Variants in ESCO1 observed in about 807,000 individuals in gnomAD.
ESCO1 encodes establishment of sister chromatid cohesion N-acetyltransferase 1.
In ESCO1, 33 loss-of-function variants were observed where a neutral mutation model predicts 83.5. That is an observed-to-expected ratio of 0.40 (90% CI 0.30 to 0.53). ESCO1 has a LOEUF of 0.53. ESCO1 is among the 20% of genes least tolerant of loss of function. ESCO1 has a pLI of 0.63. For synonymous variants in ESCO1, 332 were observed against 324.3 expected (o/e 1.02, Z -0.25); for missense variants, 855 against 968.0 (o/e 0.88, Z 1.55).
At chr18:21,577,487 C>T (rs1216245682) in intron 2 of ESCO1, among the ~76,000 whole-genome samples, 7 of 150,792 alleles carry the variant, frequency 4.6e-5, no homozygotes, top group African/African-American at 1.2e-4. Flanking sequence ...GGTGAAACCC[C>T]GTCTCTACTA....
At chr18:21,588,281 T>C (rs1374464174) in intron 1 of ESCO1, among the ~76,000 whole-genome samples, 2 of 152,042 alleles carry the variant, frequency 1.3e-5, no homozygotes, top group East Asian at 3.9e-4. Flanking sequence ...TATATGATCA[T>C]TTGGTTTTTA....
Position 21,574,581 on chromosome 18 carries a change from A to G in ESCO1, c.263T>C (p.Val88Ala). Reference sequence around the variant, plus strand: ...TTCTTGTGAATATCCCCTCACAGTCACCGTATTTTTATTAATGGATTTAGT... The same window carrying G: ...TTCTTGTGAATATCCCCTCACAGTCGCCGTATTTTTATTAATGGATTTAGT... ...KATKSINKNT[V>A]TVRGYSQEST... The change falls in exon 4 of 12, where the codon GTG (valine) becomes GCG (alanine). Residue 88 changes from valine to alanine, a missense_variant. Val to Ala is a moderately conservative substitution (Grantham distance 64). Transcript: ENST00000269214. 1 of 1,613,822 alleles carries G rather than the reference A, an allele frequency of 6.2e-7. No individual in the cohort carries two copies. Among genetic ancestry groups the G allele is most frequent in the East Asian group, 2.2e-5 (1 of 44,870 alleles).
At chr18:21,578,946 C>T (rs780348949) in intron 2 of ESCO1, among the ~76,000 whole-genome samples, 3 of 152,108 alleles carry the variant, frequency 2.0e-5, no homozygotes, top group Non-Finnish European at 4.4e-5. Context: ...CTGCAACCTC[C>T]ACCTCCTGGG....
At position 21,532,605 on chromosome 18, in the gene ESCO1, A is replaced by T. The variant is rs1451691878; in HGVS notation, c.2243T>A (p.Val748Asp). The T allele has an allele frequency of 6.2e-7, 1 of 1,614,118 alleles. No individual in the cohort carries two copies. Residue 748 changes from valine to aspartate, a missense_variant, in exon 11 of 12, where the codon GTC becomes GAC. Val to Asp is a radical substitution (Grantham distance 152, BLOSUM62 -3). This residue lies in a region of ESCO1 where 129 missense variants were observed against 268.5 expected (regional missense o/e 0.48). Coordinates refer to ENST00000269214, the MANE Select transcript of ESCO1 (RefSeq NM_052911.3). Reference protein sequence around the residue: ...LPVIRSEEEKVRFERQKAWCC... With the variant: ...LPVIRSEEEKDRFERQKAWCC... Reference sequence around the variant, plus strand: ...CCAGGCTTTTTGCCTTTCAAATCTGACTTTTTCTTCTTCTGACCTGATAAC... The same window carrying T: ...CCAGGCTTTTTGCCTTTCAAATCTGTCTTTTTCTTCTTCTGACCTGATAAC...
intron 8 of ESCO1, among the ~76,000 whole-genome samples, chr18:21,541,860 A>G (rs2037912552): frequency 6.6e-6 from 1 of 152,176 alleles, no homozygotes; most frequent in Non-Finnish European, 1.5e-5. Flanking sequence ...TGAATCATCT[A>G]AAGACAGTTC....
intron 1 of ESCO1, among the ~76,000 whole-genome samples, chr18:21,599,724 C>T (rs2038814497): frequency 6.6e-6 from 1 of 152,172 alleles, no homozygotes; most frequent in South Asian, 2.1e-4. Context: ...TCCTCCCTCC[C>T]CTGGTCCCCG....
intron 2 of ESCO1, among the ~76,000 whole-genome samples, chr18:21,583,136 C>T (rs977658405): frequency 2.6e-5 from 4 of 151,962 alleles, no homozygotes; most frequent in African/African-American, 9.7e-5. Flanking sequence ...GAGCCGAAAT[C>T]GTGCCACTGT....
At chr18:21,535,145 G>C (rs2037818091) in intron 10 of ESCO1, among the ~76,000 whole-genome samples, 1 of 152,008 alleles carries the variant, frequency 6.6e-6, no homozygotes, top group East Asian at 1.9e-4. Flanking sequence ...AGTGCTAGAG[G>C]GACTAATTGA....
intron 8 of ESCO1, among the ~76,000 whole-genome samples, chr18:21,543,411 G>T (rs2037932068): frequency 6.6e-6 from 1 of 152,146 alleles, no homozygotes; most frequent in South Asian, 2.1e-4. Flanking sequence ...GCCAGCCTTG[G>T]CCTTCCAAAG....
intron 8 of ESCO1, chr18:21,540,707 A>T (rs781516677): frequency 1.6e-6 from 2 of 1,271,788 alleles, no homozygotes; most frequent in African/African-American, 3.2e-5. Context: ...GAACCTGCAT[A>T]AAAAAACAAA....
intron 8 of ESCO1, among the ~76,000 whole-genome samples, chr18:21,549,715 T>A (rs2038020887): frequency 6.6e-6 from 1 of 152,120 alleles, no homozygotes; most frequent in Non-Finnish European, 1.5e-5. Flanking sequence ...ACCTGTGATC[T>A]CAGCACTTTG....
At chr18:21,572,877 T>C (rs2038359053) in intron 4 of ESCO1, among the ~76,000 whole-genome samples, 4 of 151,364 alleles carry the variant, frequency 2.6e-5, no homozygotes, top group Admixed American at 2.0e-4. Flanking sequence ...GGCTAGAGAA[T>C]GGCTTGAACC....
At chr18:21,586,486 G>A (rs1468238691) in intron 1 of ESCO1, among the ~76,000 whole-genome samples, 3 of 152,210 alleles carry the variant, frequency 2.0e-5, no homozygotes, top group Non-Finnish European at 2.9e-5. Context: ...ACATGGGAAT[G>A]CAGGTATCTC....
At chr18:21,591,563 T>C (rs1360550253) in intron 1 of ESCO1, among the ~76,000 whole-genome samples, 2 of 152,230 alleles carry the variant, frequency 1.3e-5, no homozygotes, top group Admixed American at 1.3e-4. Flanking sequence ...TTCATTGTTG[T>C]ATTCCTACTG....
At chr18:21,592,810 C>A (rs1047469455) in intron 1 of ESCO1, among the ~76,000 whole-genome samples, 2 of 147,284 alleles carry the variant, frequency 1.4e-5, no homozygotes, top group South Asian at 2.2e-4. Flanking sequence ...GGCTGCCGGG[C>A]GGAGGGGCTC....
At chr18:21,554,308 C>T (rs2038084652) in intron 8 of ESCO1, among the ~76,000 whole-genome samples, 1 of 152,212 alleles carries the variant, frequency 6.6e-6, no homozygotes, top group Non-Finnish European at 1.5e-5. Flanking sequence ...CCAAAAAGAG[C>T]TGAAAACACG....
chr18:21,535,005 C>A (rs866568969), intron 10 of ESCO1, among the ~76,000 whole-genome samples: 1 of 152,064 alleles, frequency 6.6e-6, no homozygotes, highest in African/African-American at 2.4e-5. Flanking sequence ...CTATTCAACT[C>A]TGCCTTTGTA....
At chr18:21,553,224 A>C (rs867684393) in intron 8 of ESCO1, among the ~76,000 whole-genome samples, 6 of 151,722 alleles carry the variant, frequency 4.0e-5, no homozygotes, top group South Asian at 2.1e-4. Context: ...CAGGAGGTCA[A>C]GGATAGAGTG....
intron 2 of ESCO1, among the ~76,000 whole-genome samples, chr18:21,582,858 C>T (rs986459780): frequency 6.6e-6 from 1 of 152,214 alleles, no homozygotes. Flanking sequence ...CTATGCAGGA[C>T]AATCCACCTA....
Sources: gnomAD v4.1 joint callset for allele counts (sites outside exome capture counted in the v4.1 genomes callset) on GRCh38, gnomAD v4.1.1 for gene constraint, gnomAD v4.1.1 regional missense constraint, MANE v1.5 for transcripts, NCBI Gene and HGNC (gene_info 2026-07-23, HGNC 2026-07-21) for gene names.